Variants in SLC16A12 observed in about 807,000 individuals in gnomAD.
SLC16A12 encodes the protein monocarboxylate transporter 12.
SLC16A12 carries 17 observed loss-of-function variants against 42.4 expected under a neutral mutation model. The ratio of observed to expected loss-of-function variants is 0.40; its 90% CI spans 0.27 to 0.60. The LOEUF (loss-of-function observed/expected upper bound fraction) is 0.60, where lower values mean the gene tolerates loss of function less well. Ranked by LOEUF, SLC16A12 falls within the 20% of genes least tolerant of loss-of-function variation. The probability of loss-of-function intolerance (pLI) is 0.42; values close to 1 mark genes in which losing one functional copy is unlikely to be tolerated. For synonymous variants in SLC16A12, 224 were observed against 229.4 expected, an observed-to-expected ratio of 0.98 and a Z score of 0.21; for missense variants, 544 against 623.0, an observed-to-expected ratio of 0.87 and a Z score of 1.35.
At chr10:89,554,061 A>G (rs541422270) in intron 2 of SLC16A12, among the ~76,000 whole-genome samples, 3 of 94,562 alleles carry the variant, frequency 3.2e-5, no homozygotes, top group Non-Finnish European at 4.5e-5. Context: ...AGAAAGAAAG[A>G]AAGAAAGAAA....
chr10:89,482,797 A>G (rs1168374059), intron 2 of SLC16A12, among the ~76,000 whole-genome samples: 2 of 151,578 alleles, frequency 1.3e-5, no homozygotes, highest in Non-Finnish European at 2.9e-5. Flanking sequence ...AAAAAAAAAA[A>G]TGTCTAATAG....
chr10:89,546,977 G>A (rs1267227087), intron 2 of SLC16A12, among the ~76,000 whole-genome samples: 1 of 152,164 alleles, frequency 6.6e-6, no homozygotes, highest in East Asian at 1.9e-4. Flanking sequence ...AGTGGAAGTT[G>A]AACAGTGAGA....
At chr10:89,475,105 C>T (rs1432633119) in intron 2 of SLC16A12, among the ~76,000 whole-genome samples, 1 of 152,230 alleles carries the variant, frequency 6.6e-6, no homozygotes, top group African/African-American at 2.4e-5. Flanking sequence ...TATCACTTCA[C>T]ATTTTATTAC....
At chr10:89,519,973 T>C (rs1042865150) in intron 2 of SLC16A12, among the ~76,000 whole-genome samples, 1 of 151,600 alleles carries the variant, frequency 6.6e-6, no homozygotes, top group Non-Finnish European at 1.5e-5. Flanking sequence ...ATTAGTTGGA[T>C]GTGGTGGTGG....
At chr10:89,513,371 T>G (rs145559151) in intron 2 of SLC16A12, among the ~76,000 whole-genome samples, 74 of 152,314 alleles carry the variant, frequency 4.9e-4, no homozygotes, top group African/African-American at 1.4e-3. Flanking sequence ...CTGATTTCTC[T>G]CTCCCAAAAA....
At chr10:89,455,880 C>G (rs1345763925) in intron 3 of SLC16A12, among the ~76,000 whole-genome samples, 1 of 152,168 alleles carries the variant, frequency 6.6e-6, no homozygotes, top group Non-Finnish European at 1.5e-5. Flanking sequence ...GATTATGCTG[C>G]AGTAGCAAAC....
chr10:89,541,450 A>T (rs2133884409), intron 2 of SLC16A12, among the ~76,000 whole-genome samples: 1 of 152,290 alleles, frequency 6.6e-6, no homozygotes, highest in East Asian at 1.9e-4. Context: ...TTTAAAAATT[A>T]GCTAGACATG....
intron 2 of SLC16A12, among the ~76,000 whole-genome samples, chr10:89,491,918 T>C (rs938117618): frequency 3.5e-4 from 53 of 151,940 alleles, no homozygotes; most frequent in African/African-American, 1.3e-3. Context: ...CCATACCACA[T>C]ACACAAAAGG....
At chr10:89,450,945 A>G (rs1842086781) in intron 3 of SLC16A12, among the ~76,000 whole-genome samples, 1 of 151,750 alleles carries the variant, frequency 6.6e-6, no homozygotes, top group Admixed American at 6.5e-5. Flanking sequence ...GCAGAGAAAG[A>G]GAAAGAAATA....
chr10:89,489,789 T>A (rs1031683862), intron 2 of SLC16A12, among the ~76,000 whole-genome samples: 3 of 152,176 alleles, frequency 2.0e-5, no homozygotes, highest in African/African-American at 7.2e-5. Flanking sequence ...TTACATGTGT[T>A]TATACCTGTA....
At chr10:89,472,618 G>A (rs1471531197) in intron 2 of SLC16A12, among the ~76,000 whole-genome samples, 6 of 148,262 alleles carry the variant, frequency 4.0e-5, no homozygotes, top group Admixed American at 2.1e-4. Context: ...TCAGCCTCTC[G>A]AGTAGCTGGG....
At position 89,433,220 on chromosome 10, in the gene SLC16A12, T is replaced by C. The variant is rs777010996; in HGVS notation, c.1395A>G (p.Arg465=). Residue 465 remains arginine (R), a synonymous_variant, in exon 8 of 8, where the codon AGA becomes AGG. Transcript: ENST00000371790. ...VLLGFARLIK[R]MRKTQLQFIA... is the part of the protein sequence containing the mutation. ...TGAACTGCAACTGGGTTTTTCTCAT[T>C]CTCTTTATAAGTCTAGCAAAGCCAA... 6.2e-6 allele frequency: 10 copies of C among 1,614,082 alleles called. No individual in the cohort carries two copies. The East Asian group carries it at 2.2e-4, about 36-fold the overall frequency.
chr10:89,520,023 G>A (rs1314146967), intron 2 of SLC16A12, among the ~76,000 whole-genome samples: 1 of 150,984 alleles, frequency 6.6e-6, no homozygotes, highest in African/African-American at 2.4e-5. Context: ...TGAGGCAAGA[G>A]AATTGCTTGA....
chr10:89,555,523 G>GTGTATATATACGTATGTATGTATATA (rs1843806226), intron 2 of SLC16A12, among the ~76,000 whole-genome samples: 1 of 114,080 alleles, frequency 8.8e-6, no homozygotes, highest in African/African-American at 3.0e-5. Context: ...ATGTATATAT[G>GTGTATATATACGTATGTATGTATATA]TGTATATATA....
chr10:89,532,884 T>C (rs914003635), intron 2 of SLC16A12, among the ~76,000 whole-genome samples: 1 of 152,166 alleles, frequency 6.6e-6, no homozygotes, highest in African/African-American at 2.4e-5. Flanking sequence ...ACCATCTTCA[T>C]AAATAAATAA....
chr10:89,538,820 A>T (rs1268254415), upstream of SLC16A12, among the ~76,000 whole-genome samples: 2 of 152,218 alleles, frequency 1.3e-5, no homozygotes, highest in Non-Finnish European at 2.9e-5. Flanking sequence ...GCCAAACTTT[A>T]GTCAGGCTCC....
chr10:89,495,374 A>G (rs2133813202), intron 2 of SLC16A12, among the ~76,000 whole-genome samples: 1 of 152,162 alleles, frequency 6.6e-6, no homozygotes, highest in South Asian at 2.1e-4. Context: ...ACAAACAAAC[A>G]AACAAACATC....
intron 7 of SLC16A12, 35 bp from the exon 8 acceptor site, chr10:89,433,361 T>C: frequency 6.2e-7 from 1 of 1,608,654 alleles, no homozygotes; most frequent in South Asian, 1.1e-5. Context: ...TATTTTTGAG[T>C]TGAAAATTCA....
intron 2 of SLC16A12, among the ~76,000 whole-genome samples, chr10:89,555,549 A>ATG: frequency 6.8e-6 from 1 of 146,366 alleles, no homozygotes; most frequent in South Asian, 2.1e-4. Context: ...GTATGTATAT[A>ATG]CGTATATATA....
Sources: allele counts gnomAD v4.1 joint callset (sites outside exome capture counted in the v4.1 genomes callset), GRCh38; gene constraint gnomAD v4.1.1; transcripts MANE v1.5; gene names NCBI Gene and HGNC (gene_info 2026-07-23, HGNC 2026-07-21).